Variants in GMPS observed in about 807,000 individuals in gnomAD.
GMPS encodes the protein guanosine monophosphate synthase, also known as GMP synthase [glutamine-hydrolyzing].
GMPS carries 15 observed loss-of-function variants against 77.9 expected under a neutral mutation model. The ratio of observed to expected loss-of-function variants is 0.19; its 90% CI spans 0.13 to 0.30. The LOEUF (loss-of-function observed/expected upper bound fraction) is 0.30. GMPS is among the 10% of genes least tolerant of loss of function. The pLI is 1.00. For missense variants in GMPS, 590 were observed against 838.8 expected (o/e 0.70, Z 3.66); for synonymous variants, 224 against 275.9 (o/e 0.81, Z 1.86).
intron 10 of GMPS, among the ~76,000 whole-genome samples, chr3:155,919,894 A>G (rs1029705329): frequency 1.3e-5 from 2 of 152,198 alleles, no homozygotes; most frequent in Admixed American, 6.5e-5. Context: ...TTAGGACTGC[A>G]AGTCTTAACC....
At chr3:155,924,567 C>T (rs983287170) in intron 11 of GMPS, among the ~76,000 whole-genome samples, 11 of 151,846 alleles carry the variant, frequency 7.2e-5, no homozygotes, top group Admixed American at 3.3e-4. Flanking sequence ...ACTTCAAAAC[C>T]GGTAAAGAGG....
chr3:155,934,003 A>G (rs1755697562), intron 13 of GMPS, among the ~76,000 whole-genome samples: 1 of 152,234 alleles, frequency 6.6e-6, no homozygotes, highest in Non-Finnish European at 1.5e-5. Flanking sequence ...GGAAGGAAGT[A>G]GTAGGATACT....
At chr3:155,873,818 G>A (rs979634334) in intron 1 of GMPS, among the ~76,000 whole-genome samples, 8 of 151,390 alleles carry the variant, frequency 5.3e-5, no homozygotes, top group African/African-American at 1.7e-4. Flanking sequence ...TGTATTTTTA[G>A]TAGAGACAGG....
At chr3:155,917,939 C>A (rs1261997364) in intron 9 of GMPS, among the ~76,000 whole-genome samples, 1 of 152,132 alleles carries the variant, frequency 6.6e-6, no homozygotes, top group Non-Finnish European at 1.5e-5. Flanking sequence ...CACATTTTGC[C>A]TATCCATTTT....
intron 8 of GMPS, among the ~76,000 whole-genome samples, chr3:155,914,989 G>A (rs191883823): frequency 4.5e-4 from 68 of 151,694 alleles, no homozygotes; most frequent in Non-Finnish European, 8.8e-4. Flanking sequence ...AGGTTGGTCC[G>A]GATCTCCTGA....
At chr3:155,907,132 T>C (rs1030750985) in intron 5 of GMPS, among the ~76,000 whole-genome samples, 1 of 152,228 alleles carries the variant, frequency 6.6e-6, no homozygotes, top group African/African-American at 2.4e-5. Flanking sequence ...GCTAATATGT[T>C]AGCATAGGAA....
intron 11 of GMPS, 65 bp downstream of exon 11, chr3:155,922,367 A>G (rs1755339348): frequency 1.6e-6 from 1 of 624,870 alleles, no homozygotes; most frequent in Non-Finnish European, 2.7e-6. Flanking sequence ...ACCAGCATTT[A>G]TAATGAATTT....
At chr3:155,895,765 A>T (rs1187779231) in intron 2 of GMPS, among the ~76,000 whole-genome samples, 2 of 152,212 alleles carry the variant, frequency 1.3e-5, no homozygotes, top group African/African-American at 4.8e-5. Context: ...ATTTGTTGAA[A>T]TAAGACTTTC....
chr3:155,914,479 A>G lies in GMPS; in HGVS notation c.947A>G (p.Asp316Gly). 1 of 1,606,276 alleles carries G rather than the reference A, an allele frequency of 6.2e-7. No homozygotes were observed. The highest frequency in any genetic ancestry group is 8.5e-7 in the Non-Finnish European group (1 of 1,176,774). ...GTTTLPISDE[D>G]RTPRKRISKT... Reference sequence around the variant, plus strand: ...ACAACCCTACCAATATCAGATGAAGATAGAACCCCACGGAAAAGAATTAGC... The same window carrying G: ...ACAACCCTACCAATATCAGATGAAGGTAGAACCCCACGGAAAAGAATTAGC... The change falls in exon 8 of 16, where the codon GAT (aspartate) becomes GGT (glycine). Residue 316 changes from aspartate (D) to glycine (G), a missense_variant. Around this residue, in one of 6 missense-constraint regions of GMPS, gnomAD observed 181 missense variants for 186.8 expected, o/e 0.97. Transcript: ENST00000496455.
At chr3:155,872,852 A>G (rs2108041004) in intron 1 of GMPS, among the ~76,000 whole-genome samples, 1 of 152,356 alleles carries the variant, frequency 6.6e-6, no homozygotes, top group Admixed American at 6.5e-5. Flanking sequence ...CATCAAATCT[A>G]TGATTATTGT....
intron 3 of GMPS, among the ~76,000 whole-genome samples, chr3:155,902,237 A>C (rs1185878474): frequency 6.6e-6 from 1 of 152,088 alleles, no homozygotes; most frequent in African/African-American, 2.4e-5. Flanking sequence ...AATGGACTGG[A>C]GTAGGAAATG....
intron 1 of GMPS, among the ~76,000 whole-genome samples, chr3:155,876,531 A>G (rs766915064): frequency 6.6e-6 from 1 of 152,236 alleles, no homozygotes; most frequent in Non-Finnish European, 1.5e-5. Flanking sequence ...AACCCGTCCT[A>G]TTTTACTTTA....
chr3:155,923,950 G>A lies in GMPS; in HGVS notation c.1435-1291G>A, dbSNP rs1253205916. On this transcript the variant is annotated intron_variant, in intron 11 of 15. Coordinates refer to ENST00000496455, the MANE Select transcript of GMPS (RefSeq NM_003875.3). Reference sequence around the variant, plus strand: ...GGCTGGAGTGCAATGGCACGATCTTGGCTCACTGCAACCTCCGCCTCCCAG... The same window carrying A: ...GGCTGGAGTGCAATGGCACGATCTTAGCTCACTGCAACCTCCGCCTCCCAG... 5.3e-5 allele frequency among the ~76,000 whole-genome samples: 8 copies of A among 152,012 alleles called. No homozygotes were observed. In the South Asian group the frequency reaches 1.7e-3, roughly 32 times the overall value.
chr3:155,915,070 C>A (rs1217586759), intron 8 of GMPS, among the ~76,000 whole-genome samples: 2 of 151,564 alleles, frequency 1.3e-5, no homozygotes, highest in African/African-American at 4.8e-5. Flanking sequence ...GCCCAGCCAA[C>A]TGTTTTATGT....
At chr3:155,908,330 G>A (rs1281103041) in intron 5 of GMPS, among the ~76,000 whole-genome samples, 1 of 152,234 alleles carries the variant, frequency 6.6e-6, no homozygotes, top group Admixed American at 6.5e-5. Flanking sequence ...CCTGTGTGGT[G>A]ACCTCGGATT....
intron 12 of GMPS, 35 bp from the exon 13 acceptor site, chr3:155,931,730 C>T: frequency 1.3e-6 from 1 of 761,402 alleles, no homozygotes. Context: ...TATCTTTTGA[C>T]TATTAAAAAT....
At chr3:155,903,313 C>T (rs944848518) in intron 3 of GMPS, among the ~76,000 whole-genome samples, 4 of 152,148 alleles carry the variant, frequency 2.6e-5, no homozygotes, top group African/African-American at 7.2e-5. Flanking sequence ...AGTCGATAAG[C>T]GTATGGGACT....
intron 7 of GMPS, among the ~76,000 whole-genome samples, chr3:155,911,564 C>T (rs531757330): frequency 2.8e-4 from 42 of 152,178 alleles, no homozygotes; most frequent in African/African-American, 9.4e-4. Flanking sequence ...TGGCCAGGCG[C>T]GGTGGCTCAC....
intron 3 of GMPS, among the ~76,000 whole-genome samples, chr3:155,898,674 G>A (rs1326186425): frequency 6.6e-6 from 1 of 152,156 alleles, no homozygotes; most frequent in Non-Finnish European, 1.5e-5. Flanking sequence ...TTTTTAAAAA[G>A]TACGTGTTAA....
Sources: allele counts gnomAD v4.1 joint callset (sites outside exome capture counted in the v4.1 genomes callset), GRCh38; gene constraint gnomAD v4.1.1; regional missense constraint gnomAD v4.1.1; transcripts MANE v1.5; gene names NCBI Gene and HGNC (gene_info 2026-07-23, HGNC 2026-07-21).